CINP: variants seen among roughly 807,000 people sequenced by gnomAD.
CINP encodes cyclin dependent kinase 2 interacting protein.
CINP carries 11 observed loss-of-function variants against 20.5 expected under a neutral mutation model. The observed-to-expected ratio is 0.54, with a 90% CI of 0.34 to 0.89. The LOEUF (loss-of-function observed/expected upper bound fraction) is 0.89, where lower values mean the gene tolerates loss of function less well. Among genes scored for constraint, CINP ranks in the 40% least tolerant of loss-of-function variants. CINP has a pLI of 0.02. For synonymous variants in CINP, 108 were observed against 102.1 expected (o/e 1.06, Z -0.35); for missense variants, 213 against 251.0 (o/e 0.85, Z 1.02).
intron 2 of CINP, among the ~76,000 whole-genome samples, 155 bp from the exon 3 acceptor site, chr14:102,356,052 A>G (rs1220761089): frequency 1.3e-5 from 2 of 152,172 alleles, no homozygotes; most frequent in Non-Finnish European, 2.9e-5. Flanking sequence ...AAATGCAGTT[A>G]TTATTTATAT....
chr14:102,351,503 T>G lies in CINP; in HGVS notation c.307-1455A>C, dbSNP rs187171061. Among the ~76,000 whole-genome samples, 1 of 152,272 alleles carries G rather than the reference T, an allele frequency of 6.6e-6. No individual in the cohort carries two copies. Among genetic ancestry groups the G allele is most frequent in the East Asian group, 1.9e-4 (1 of 5,184 alleles). The stretch of plus-strand genomic sequence containing the variant: ...GGGTGAAGTAACTAGGATTTCAGAT[T>G]TAAGTAGCATAGGTCTATAAAGACC... On this transcript the variant is annotated intron_variant, in intron 3 of 4. Coordinates refer to ENST00000216756, the MANE Select transcript of CINP (RefSeq NM_032630.3). This position sits in a 1 kb window ranked among gnomAD's most constrained non-coding sequence, Gnocchi z 4.2.
chr14:102,355,031 T>C (rs1182255892), intron 3 of CINP, among the ~76,000 whole-genome samples: 1 of 150,104 alleles, frequency 6.7e-6, no homozygotes, highest in Non-Finnish European at 1.5e-5. Flanking sequence ...ATCATGCTAC[T>C]GTACTCCACC....
intron 3 of CINP, 42 bp from the exon 4 acceptor site, chr14:102,350,090 T>G: frequency 6.4e-7 from 1 of 1,553,722 alleles, no homozygotes. Flanking sequence ...TTATTTGAAA[T>G]CTCCAGTCTC....
chr14:102,362,212 A>C (rs1887180731), intron 1 of CINP, among the ~76,000 whole-genome samples: 1 of 152,186 alleles, frequency 6.6e-6, no homozygotes, highest in Admixed American at 6.5e-5. Context: ...GGAACCAAAA[A>C]CATAACTGAC....
At chr14:102,359,630 A>G (rs776061264) in intron 1 of CINP, 43 bp from the exon 2 acceptor site, 69 of 1,478,750 alleles carry the variant, frequency 4.7e-5, no homozygotes, top group Non-Finnish European at 6.0e-5. Flanking sequence ...CATGGAATAT[A>G]CAATCATAGT....
chr14:102,359,381 T>C, intron 2 of CINP, 38 bp downstream of exon 2: 1 of 1,479,396 alleles, frequency 6.8e-7, no homozygotes, highest in South Asian at 1.3e-5. Flanking sequence ...TTATTAAGGG[T>C]GAAAAACTTA....
chr14:102,357,558 G>A lies in CINP; in HGVS notation c.177-1661C>T, dbSNP rs559914806. Among the ~76,000 whole-genome samples the A allele has an allele frequency of 5.9e-5, 9 of 152,290 alleles. No individual in the cohort carries two copies. The South Asian group carries it at 1.4e-3, about 25-fold the overall frequency. ...TAGTGTGGATATGGAGAAAGTTTGAGTGGTCTGGATAGAAGATCAAACCAG... is the reference window on the plus strand; with the variant it reads ...TAGTGTGGATATGGAGAAAGTTTGAATGGTCTGGATAGAAGATCAAACCAG... On this transcript the variant is annotated intron_variant, in intron 2 of 4. Coordinates refer to ENST00000216756, the MANE Select transcript of CINP (RefSeq NM_032630.3).
chr14:102,351,539 C>A lies in CINP; in HGVS notation c.307-1491G>T, dbSNP rs1341850847. 6.6e-6 allele frequency among the ~76,000 whole-genome samples: 1 copy of A among 152,150 alleles called. No individual in the cohort carries two copies. The highest frequency in any genetic ancestry group is 1.5e-5 in the Non-Finnish European group (1 of 68,024). On this transcript the variant is annotated intron_variant, in intron 3 of 4. Coordinates refer to ENST00000216756, the MANE Select transcript of CINP (RefSeq NM_032630.3). The surrounding 1 kb of genome is among the most constrained non-coding windows in gnomAD (Gnocchi z 4.2). Reference sequence around the variant, plus strand: ...AGGTCTATAAAGACCAAATTTTGAACTCCTAAGTATAGTTGACTTTACATA... The same window carrying A: ...AGGTCTATAAAGACCAAATTTTGAAATCCTAAGTATAGTTGACTTTACATA...
intron 2 of CINP, among the ~76,000 whole-genome samples, chr14:102,357,685 T>A (rs760442030): frequency 7.2e-5 from 11 of 152,184 alleles, no homozygotes; most frequent in Non-Finnish European, 1.5e-4. Flanking sequence ...GAAGAAAAGT[T>A]TGAGATAGCA....
At chr14:102,350,150 G>C (rs1015229788) in intron 3 of CINP, 102 bp from the exon 4 acceptor site, 3 of 1,126,938 alleles carry the variant, frequency 2.7e-6, no homozygotes, top group Non-Finnish European at 2.5e-6. Context: ...AGTCTATTAT[G>C]ATAAAAATTC....
At chr14:102,352,470 G>A in intron 3 of CINP, 1 of 455,336 alleles carries the variant, frequency 2.2e-6, no homozygotes, top group Non-Finnish European at 4.4e-6. Context: ...ACAGTGAAAT[G>A]TTAGCCCAGC....
In CINP at chr14:102,348,431, G is replaced by T; in HGVS notation, c.*126C>A. 1.2e-6 allele frequency: 1 copy of T among 829,398 alleles called. No homozygotes were observed. The highest frequency in any genetic ancestry group is 1.8e-6 in the Non-Finnish European group (1 of 557,414). 51.4% of individuals were successfully genotyped at this position (829,398 alleles called of 1,614,324 possible). ...GGAGAGGCCATGGGGCTGGTGACAA[G>T]CTCTGGCCAGAAGACCCCAAGGTCT... On this transcript the variant is annotated 3_prime_UTR_variant, in exon 5 of 5. Transcript: ENST00000216756.
chr14:102,353,348 T>C (rs1455424198), intron 3 of CINP, among the ~76,000 whole-genome samples: 1 of 152,096 alleles, frequency 6.6e-6, no homozygotes, highest in Non-Finnish European at 1.5e-5. Context: ...CTGGAAACAC[T>C]GCCCAGCCAG....
intron 3 of CINP, among the ~76,000 whole-genome samples, chr14:102,352,062 A>G (rs1339957574): frequency 6.6e-6 from 1 of 151,892 alleles, no homozygotes; most frequent in Non-Finnish European, 1.5e-5. Flanking sequence ...TTTTTTTGGT[A>G]CTTTTAGCAG....
In CINP at chr14:102,359,234, A is replaced by ATATATATATATATATATATT. The variant is rs1555446401; in HGVS notation, c.176+184_176+185insAATATATATATATATATATA. ...TAAATAAATAAATAACTAAATATAT[A>ATATATATATATATATATATT]TATATATATATATATATATGGAATA... On this transcript the variant is annotated intron_variant, in intron 2 of 4. Transcript: ENST00000216756. Among the ~76,000 whole-genome samples, 26 of 118,494 alleles carry ATATATATATATATATATATT rather than the reference A, an allele frequency of 2.2e-4. No homozygotes were observed. The East Asian group carries it at 5.5e-3, about 25-fold the overall frequency. 77.7% of individuals were successfully genotyped at this position (118,494 alleles called of 152,430 possible).
rs1449915300 is a variant in CINP at position 102,348,428 on chromosome 14, C to G, written c.*129G>C. On this transcript the variant is annotated 3_prime_UTR_variant, in exon 5 of 5. Coordinates refer to ENST00000216756, the MANE Select transcript of CINP (RefSeq NM_032630.3). ...CCTGGAGAGGCCATGGGGCTGGTGA[C>G]AAGCTCTGGCCAGAAGACCCCAAGG... 2.4e-6 allele frequency: 2 copies of G among 822,540 alleles called. No individual in the cohort carries two copies. Among genetic ancestry groups the G allele is most frequent in the Non-Finnish European group, 3.7e-6 (2 of 546,440 alleles). The allele number at this position is 822,540 out of a possible 1,614,324, so 51.0% of individuals were successfully genotyped here.
chr14:102,348,807 G>C (rs780425125), intron 4 of CINP, 48 bp from the exon 5 acceptor site: 1 of 1,541,544 alleles, frequency 6.5e-7, no homozygotes, highest in East Asian at 2.3e-5. Flanking sequence ...CAAGAACATA[G>C]TGTCGACTTG....
intron 3 of CINP, 26 bp from the exon 4 acceptor site, chr14:102,350,074 A>G: frequency 6.3e-7 from 1 of 1,590,778 alleles, no homozygotes; most frequent in Non-Finnish European, 8.6e-7. Context: ...TTGGAATATG[A>G]TAATATTATT....
At chr14:102,353,430 T>C (rs1886918395) in intron 3 of CINP, among the ~76,000 whole-genome samples, 1 of 152,104 alleles carries the variant, frequency 6.6e-6, no homozygotes. Context: ...ATCCCAGCAC[T>C]TTGGGAGGCT....
Sources: allele counts gnomAD v4.1 joint callset (sites outside exome capture counted in the v4.1 genomes callset), GRCh38; gene constraint gnomAD v4.1.1; non-coding constraint Gnocchi (gnomAD v3.1); transcripts MANE v1.5; gene names NCBI Gene and HGNC (gene_info 2026-07-23, HGNC 2026-07-21).